The following SYNE1 variants were observed in gnomAD, a reference collection of about 807,000 sequenced individuals.
SYNE1 encodes the protein nesprin-1.
SYNE1 carries 616 observed loss-of-function variants against 1,111.0 expected under a neutral mutation model. The ratio of observed to expected loss-of-function variants is 0.55; its 90% CI spans 0.52 to 0.59. SYNE1 has a LOEUF of 0.59. Ranked by LOEUF, SYNE1 falls within the 20% of genes least tolerant of loss-of-function variation. SYNE1 has a pLI of 0.00. For missense variants in SYNE1, 10,006 were observed against 10,417.0 expected, an observed-to-expected ratio of 0.96 and a Z score of 1.72; for synonymous variants, 3,855 against 3,825.8, an observed-to-expected ratio of 1.01 and a Z score of -0.28.
chr6:152,156,869 C>A (rs149544621), intron 131 of SYNE1, among the ~76,000 whole-genome samples: 4,224 of 152,062 alleles, frequency 0.028, 200 homozygotes, highest in African/African-American at 0.097. Context: ...ACTCTGTCAC[C>A]CAGGCTGGAG....
chr6:152,527,245 G>C (rs1400108842), intron 4 of SYNE1, among the ~76,000 whole-genome samples: 2 of 152,118 alleles, frequency 1.3e-5, no homozygotes, highest in South Asian at 2.1e-4. Flanking sequence ...AACTGATGTA[G>C]AGCATTTATA....
intron 58 of SYNE1, among the ~76,000 whole-genome samples, chr6:152,373,446 A>AT (rs1351362714): frequency 6.6e-6 from 1 of 151,486 alleles, no homozygotes; most frequent in Non-Finnish European, 1.5e-5. Flanking sequence ...CACCCAGATA[A>AT]TTTTTTTGTA....
At chr6:152,496,898 T>C (rs2099002518) in intron 11 of SYNE1, among the ~76,000 whole-genome samples, 1 of 152,122 alleles carries the variant, frequency 6.6e-6, no homozygotes, top group African/African-American at 2.4e-5. Context: ...CACTAACTGG[T>C]CAAGTGACCT....
intron 97 of SYNE1, among the ~76,000 whole-genome samples, chr6:152,279,212 A>C (rs2093856533): frequency 6.7e-6 from 1 of 149,226 alleles, no homozygotes; most frequent in South Asian, 2.1e-4. Context: ...GAGAAAAAGA[A>C]AAATAGCCTT....
intron 3 of SYNE1, chr6:152,546,596 C>T (rs990268223): frequency 6.6e-6 from 1 of 152,194 alleles, no homozygotes; most frequent in East Asian, 1.9e-4. Flanking sequence ...TAAGAAGTCA[C>T]TTGGAGGATA....
intron 3 of SYNE1, among the ~76,000 whole-genome samples, chr6:152,584,824 C>T (rs2099532250): frequency 6.6e-6 from 1 of 152,192 alleles, no homozygotes; most frequent in Admixed American, 6.5e-5. Context: ...CATGCTTCTG[C>T]ATCTTCACGT....
chr6:152,126,676 A>G (rs962546974), intron 145 of SYNE1: 1 of 152,148 alleles, frequency 6.6e-6, no homozygotes, highest in Non-Finnish European at 1.5e-5. Flanking sequence ...ATAGCTGCCC[A>G]GGAGTTGCTT....
Position 152,213,677 on chromosome 6 carries a change from G to C in SYNE1, c.22429C>G (p.Gln7477Glu), listed in dbSNP as rs1477491717. 1 of 1,614,024 alleles carries C rather than the reference G, an allele frequency of 6.2e-7. No individual in the cohort carries two copies. Among genetic ancestry groups the C allele is most frequent in the East Asian group, 2.2e-5 (1 of 44,862 alleles). The change falls in exon 123 of 146, where the codon CAA becomes GAA. Residue 7477 changes from glutamine (Q) to glutamate (E), a missense_variant. Gln to Glu is a conservative substitution (Grantham distance 29). This residue lies in a region of SYNE1 where 2,182 missense variants were observed against 2,287.8 expected (regional missense o/e 0.95). Coordinates refer to ENST00000367255, the MANE Select transcript of SYNE1 (RefSeq NM_182961.4). ...CCTGAAATCTCTACTGCTAACTTTTGTTCTGTCTGAACTAGGAATTCCATC... is the reference window on the plus strand; with the variant it reads ...CCTGAAATCTCTACTGCTAACTTTTCTTCTGTCTGAACTAGGAATTCCATC... ...TWMEFLVQTE[Q>E]KLAVEISGNY...
chr6:152,132,543 C>CT (rs2056039524), intron 143 of SYNE1, among the ~76,000 whole-genome samples: 1 of 152,222 alleles, frequency 6.6e-6, no homozygotes, highest in Non-Finnish European at 1.5e-5. Context: ...AAGACACCTG[C>CT]TGTAGAGCCT....
In SYNE1 at chr6:152,465,320, T is replaced by A; in HGVS notation, c.1870A>T (p.Ser624Cys). The A allele has an allele frequency of 6.2e-7, 1 of 1,613,894 alleles. No homozygotes were observed. The highest frequency in any genetic ancestry group is 8.5e-7 in the Non-Finnish European group (1 of 1,179,820). Residue 624 changes from serine (S) to cysteine (C), a missense_variant, in exon 18 of 146, where the codon AGT becomes TGT. Physicochemically the swap from Ser to Cys is moderately radical, Grantham distance 112. Around this residue, in one of 7 missense-constraint regions of SYNE1, gnomAD observed 1,971 missense variants for 2,084.1 expected, o/e 0.95. Transcript: ENST00000367255. ...GCATCCTCTAGCCAGGCTTGCAGAC[T>A]AGCCACTGTATTGCCATAGCGATCC... ...NWDRYGNTVA[S>C]LQAWLEDAEK... is the part of the protein sequence containing the mutation.
rs530477483 is a variant in SYNE1 at position 152,621,455 on chromosome 6, A to G, written c.67+6810T>C. The stretch of plus-strand genomic sequence containing the variant: ...TACTTTTAGAGGCCTGCCACACACT[A>G]TATCAAAGGTGCAATAAAGTGAATT... On this transcript the variant is annotated intron_variant, in intron 3 of 145. Transcript: ENST00000367255. 2.3e-4 allele frequency among the ~76,000 whole-genome samples: 35 copies of G among 152,316 alleles called. 1 individual carries two copies. In the South Asian group the frequency reaches 7.2e-3, roughly 32 times the overall value.
intron 131 of SYNE1, 128 bp from the exon 132 acceptor site, chr6:152,156,225 C>T (rs1339113123): frequency 3.0e-6 from 3 of 987,814 alleles, no homozygotes; most frequent in Non-Finnish European, 3.1e-6. Flanking sequence ...GAATGTATGA[C>T]ATTTATTGAG....
chr6:152,450,990 CTT>C, intron 26 of SYNE1, 55 bp downstream of exon 26: 1 of 1,612,156 alleles, frequency 6.2e-7, no homozygotes, highest in South Asian at 1.1e-5. Flanking sequence ...TAGTAATATC[CTT>C]TATGGAACAA....
rs1288274661 is a variant in SYNE1, at chr6:152,544,984, T to A, written c.68-4963A>T. Among the ~76,000 whole-genome samples, 6 of 152,276 alleles carry A rather than the reference T, an allele frequency of 3.9e-5. No homozygotes were observed. In the East Asian group the frequency reaches 1.2e-3, roughly 29 times the overall value. ...TGTGATGTAAAACTGTGTCACAGGG[T>A]CCTATGACCACTGCCTTTTAAATAG... On this transcript the variant is annotated intron_variant, in intron 3 of 145. Transcript: ENST00000367255.
At chr6:152,202,536 AT>A (rs2075723198) in intron 126 of SYNE1, among the ~76,000 whole-genome samples, 1 of 151,860 alleles carries the variant, frequency 6.6e-6, no homozygotes, top group South Asian at 2.1e-4. Context: ...CTATGTTTCC[AT>A]TTTCCCTACG....
chr6:152,236,943 C>T lies in SYNE1; in HGVS notation c.20073G>A (p.Trp6691Ter). 1 of 1,613,888 alleles carries T rather than the reference C, an allele frequency of 6.2e-7. No individual in the cohort carries two copies. Among genetic ancestry groups the T allele is most frequent in the Non-Finnish European group, 8.5e-7 (1 of 1,179,970 alleles). Residue 6691 changes from tryptophan (W) to a stop codon, truncating the protein, a stop_gained, in exon 109 of 146, where the codon TGG becomes TGA. Coordinates refer to ENST00000367255, the MANE Select transcript of SYNE1 (RefSeq NM_182961.4). LOFTEE classifies it high-confidence loss of function. Reference sequence around the variant, plus strand: ...CCTGCTGGTCCTCATCCAGATGGGACCACGTCTAGAAACACAACATGAGTC... The same window carrying T: ...CCTGCTGGTCCTCATCCAGATGGGATCACGTCTAGAAACACAACATGAGTC... The part of the protein sequence containing the change: ...GVELEYILET[W>*]SHLDEDQQEL...
intron 73 of SYNE1, among the ~76,000 whole-genome samples, chr6:152,345,484 C>T (rs935831994): frequency 1.3e-5 from 2 of 152,022 alleles, no homozygotes; most frequent in East Asian, 3.9e-4. Context: ...ACTAATGTCA[C>T]CCAGAATTTT....
intron 55 of SYNE1, 78 bp from the exon 56 acceptor site, chr6:152,381,440 G>A (rs1212958734): frequency 1.4e-6 from 2 of 1,468,140 alleles, no homozygotes; most frequent in Non-Finnish European, 9.5e-7. Flanking sequence ...TGTACACAGG[G>A]GGACCCTGTC....
intron 3 of SYNE1, among the ~76,000 whole-genome samples, chr6:152,605,420 G>A (rs2099612193): frequency 6.6e-6 from 1 of 152,136 alleles, no homozygotes; most frequent in South Asian, 2.1e-4. Flanking sequence ...AATACTGATT[G>A]TCCTTGAGAT....
Sources: gnomAD v4.1 joint callset for allele counts (sites outside exome capture counted in the v4.1 genomes callset) on GRCh38, gnomAD v4.1.1 for gene constraint, gnomAD v4.1.1 regional missense constraint, MANE v1.5 for transcripts, NCBI Gene and HGNC (gene_info 2026-07-23, HGNC 2026-07-21) for gene names.